EPSTI1: variants seen among roughly 807,000 people sequenced by gnomAD.
EPSTI1 encodes the protein epithelial stromal interaction 1, also known as epithelial-stromal interaction protein 1.
Under a neutral mutation model 49.9 loss-of-function variants are expected in EPSTI1, and 66 were observed. The observed-to-expected ratio is 1.32, with a 90% CI of 1.08 to 1.62. The LOEUF (loss-of-function observed/expected upper bound fraction) is 1.62. Ranked by LOEUF, EPSTI1 falls within the 40% of genes most tolerant of loss-of-function variation. The pLI, the probability that EPSTI1 is intolerant of heterozygous loss-of-function variation, is 0.00. For missense variants in EPSTI1, 394 were observed against 365.5 expected (o/e 1.08, Z -0.64); for synonymous variants, 137 against 130.7 (o/e 1.05, Z -0.33).
chr13:42,962,390 C>CCA (rs1414302602), intron 5 of EPSTI1, among the ~76,000 whole-genome samples: 1 of 152,136 alleles, frequency 6.6e-6, no homozygotes, highest in Admixed American at 6.5e-5. Flanking sequence ...CTCTCTCTCC[C>CCA]CATCTCTCAC....
intron 8 of EPSTI1, among the ~76,000 whole-genome samples, chr13:42,908,174 T>C (rs568996645): frequency 8.1e-4 from 124 of 152,164 alleles, no homozygotes; most frequent in African/African-American, 2.7e-3. Flanking sequence ...AACCTGAAAC[T>C]AGGAAAGTAC....
intron 6 of EPSTI1, among the ~76,000 whole-genome samples, chr13:42,927,280 C>A (rs560624874): frequency 8.5e-5 from 13 of 152,358 alleles, no homozygotes; most frequent in African/African-American, 2.6e-4. Context: ...GTCCTTACCT[C>A]AGTGCCTGGC....
chr13:42,894,572 T>C (rs2037130995), intron 10 of EPSTI1, among the ~76,000 whole-genome samples: 1 of 151,734 alleles, frequency 6.6e-6, no homozygotes, highest in African/African-American at 2.4e-5. Context: ...TTCTAAAAAA[T>C]CATTTCATAG....
At chr13:42,929,012 T>C (rs926793975) in intron 6 of EPSTI1, among the ~76,000 whole-genome samples, 2 of 152,214 alleles carry the variant, frequency 1.3e-5, no homozygotes, top group African/African-American at 4.8e-5. Flanking sequence ...GAGGCTGCCT[T>C]TCAAATTATG....
chr13:42,914,484 A>G (rs1194395456), intron 8 of EPSTI1, among the ~76,000 whole-genome samples: 4 of 152,212 alleles, frequency 2.6e-5, no homozygotes, highest in Admixed American at 1.3e-4. Context: ...AGTGTTACAG[A>G]GTTCAGGGAG....
intron 1 of EPSTI1, 64 bp downstream of exon 1, chr13:42,991,914 C>T: frequency 6.3e-7 from 1 of 1,583,076 alleles, no homozygotes; most frequent in South Asian, 1.1e-5. Context: ...GACCAAGGTG[C>T]TTGTGAGTGA....
At chr13:42,933,007 A>AG (rs1411736901) in intron 6 of EPSTI1, among the ~76,000 whole-genome samples, 1 of 152,216 alleles carries the variant, frequency 6.6e-6, no homozygotes, top group African/African-American at 2.4e-5. Context: ...ATGAAAGAGA[A>AG]GGGAAAAAAT....
At chr13:42,976,539 A>G (rs1226795524) in intron 1 of EPSTI1, among the ~76,000 whole-genome samples, 1 of 152,096 alleles carries the variant, frequency 6.6e-6, no homozygotes, top group African/African-American at 2.4e-5. Flanking sequence ...CAGAAAAACC[A>G]CTTACTTATG....
At chr13:42,910,386 C>T (rs1256208349) in intron 8 of EPSTI1, among the ~76,000 whole-genome samples, 13 of 151,536 alleles carry the variant, frequency 8.6e-5, no homozygotes, top group Admixed American at 5.9e-4. Flanking sequence ...CTCAGCCTCC[C>T]GAGTAACTAG....
chr13:42,895,254 A>C, intron 9 of EPSTI1, 146 bp from the exon 10 acceptor site: 1 of 623,344 alleles, frequency 1.6e-6, no homozygotes, highest in East Asian at 3.0e-5. Context: ...TTCTCTTCAC[A>C]CTAACCATAT....
At chr13:42,938,080 C>G (rs187239050) in intron 6 of EPSTI1, among the ~76,000 whole-genome samples, 1 of 151,996 alleles carries the variant, frequency 6.6e-6, no homozygotes, top group Non-Finnish European at 1.5e-5. Flanking sequence ...TGACCTTGAA[C>G]TTTTGATATT....
chr13:42,961,600 G>A (rs937195876), intron 5 of EPSTI1, among the ~76,000 whole-genome samples: 2 of 152,188 alleles, frequency 1.3e-5, no homozygotes, highest in Non-Finnish European at 2.9e-5. Context: ...ACACCTGTCT[G>A]TCTATTAAGG....
chr13:42,893,048 T>C (rs996785993), intron 10 of EPSTI1, among the ~76,000 whole-genome samples: 7 of 152,206 alleles, frequency 4.6e-5, no homozygotes, highest in African/African-American at 7.2e-5. Context: ...ACATTTTTAG[T>C]GACCATGAAA....
chr13:42,972,214 C>T (rs2039785305), intron 1 of EPSTI1, among the ~76,000 whole-genome samples: 1 of 152,096 alleles, frequency 6.6e-6, no homozygotes, highest in African/African-American at 2.4e-5. Flanking sequence ...CTCTCTATAC[C>T]ACAAATTTGA....
chr13:42,916,060 A>T (rs2037820950), intron 8 of EPSTI1, among the ~76,000 whole-genome samples: 1 of 152,154 alleles, frequency 6.6e-6, no homozygotes, highest in South Asian at 2.1e-4. Context: ...TCACCTTAGT[A>T]TGCTAAGTAC....
intron 1 of EPSTI1, among the ~76,000 whole-genome samples, chr13:42,974,192 C>T (rs1295851313): frequency 1.3e-5 from 2 of 151,456 alleles, no homozygotes; most frequent in African/African-American, 4.9e-5. Context: ...AAAAATTAGC[C>T]GGGTGTGATA....
At chr13:42,988,455 A>G (rs4451859) in intron 1 of EPSTI1, among the ~76,000 whole-genome samples, 110,872 of 152,182 alleles carry the variant, frequency 0.73, 41,179 homozygotes, top group Non-Finnish European at 0.8. Flanking sequence ...AATCTTGGCC[A>G]GGCGCGGTGG....
At chr13:42,905,342 T>C (rs2037469972) in intron 8 of EPSTI1, among the ~76,000 whole-genome samples, 1 of 152,182 alleles carries the variant, frequency 6.6e-6, no homozygotes, top group Non-Finnish European at 1.5e-5. Flanking sequence ...TCAGGATTAT[T>C]ATCCTATAAC....
intron 5 of EPSTI1, among the ~76,000 whole-genome samples, chr13:42,956,581 G>A (rs369019204): frequency 2.0e-4 from 31 of 152,276 alleles, no homozygotes; most frequent in African/African-American, 6.0e-4. Flanking sequence ...CTGCTTTAGC[G>A]CAGAGGAGGT....
Sources: gnomAD v4.1 joint callset for allele counts (sites outside exome capture counted in the v4.1 genomes callset) on GRCh38, gnomAD v4.1.1 for gene constraint, MANE v1.5 for transcripts, NCBI Gene and HGNC (gene_info 2026-07-23, HGNC 2026-07-21) for gene names.